The following SMAP2 variants were observed in gnomAD, a reference collection of about 807,000 sequenced individuals.
SMAP2 encodes small ArfGAP2.
In SMAP2, 25 loss-of-function variants were observed where a neutral mutation model predicts 56.4. The ratio of observed to expected loss-of-function variants is 0.44; its 90% CI spans 0.32 to 0.62. SMAP2 has a LOEUF of 0.62. Among genes scored for constraint, SMAP2 ranks in the 20% least tolerant of loss-of-function variants. The probability of loss-of-function intolerance (pLI) is 0.04; values close to 1 mark genes in which losing one functional copy is unlikely to be tolerated. For missense variants in SMAP2, 388 were observed against 545.6 expected (o/e 0.71, Z 2.88); for synonymous variants, 157 against 181.7 (o/e 0.86, Z 1.09).
At chr1:40,398,948 TAAAC>T (rs1644800654) in intron 1 of SMAP2, among the ~76,000 whole-genome samples, 2 of 152,194 alleles carry the variant, frequency 1.3e-5, no homozygotes, top group Non-Finnish European at 2.9e-5. Flanking sequence ...AAAGACATCT[TAAAC>T]AATCAAATAA....
At chr1:40,392,757 A>G (rs1644728992) in intron 1 of SMAP2, among the ~76,000 whole-genome samples, 1 of 152,164 alleles carries the variant, frequency 6.6e-6, no homozygotes, top group South Asian at 2.1e-4. Flanking sequence ...TAAGCAATCT[A>G]AAACTTAAAT....
chr1:40,352,300 C>G (rs1213950852), intron 1 of SMAP2, among the ~76,000 whole-genome samples: 1 of 152,088 alleles, frequency 6.6e-6, no homozygotes, highest in Non-Finnish European at 1.5e-5. Context: ...TGATCTGGCC[C>G]TCACCCTCTG....
Position 40,374,806 on chromosome 1 carries a change from G to A in SMAP2, c.103+583G>A. ...AGTGCTTAGGTGACTTTATTCTTCTGGATGTGTGCAGTGGGAAACTGCCTT... is the reference window on the plus strand; with the variant it reads ...AGTGCTTAGGTGACTTTATTCTTCTAGATGTGTGCAGTGGGAAACTGCCTT... On this transcript the variant is annotated intron_variant, in intron 1 of 9. Transcript: ENST00000372718. This position sits in a 1 kb window ranked among gnomAD's most constrained non-coding sequence, Gnocchi z 5.9. 6.5e-7 allele frequency: 1 copy of A among 1,549,806 alleles called. No homozygotes were observed. Among genetic ancestry groups the A allele is most frequent in the East Asian group, 2.4e-5 (1 of 40,920 alleles).
At position 40,374,374 on chromosome 1, in the gene SMAP2, T is replaced by A; in HGVS notation, c.103+151T>A. 1.4e-6 allele frequency: 1 copy of A among 731,812 alleles called. No individual in the cohort carries two copies. 45.3% of individuals were successfully genotyped at this position (731,812 alleles called of 1,614,324 possible). On this transcript the variant is annotated intron_variant, in intron 1 of 9. Coordinates refer to ENST00000372718, the MANE Select transcript of SMAP2 (RefSeq NM_022733.3). This position sits in a 1 kb window ranked among gnomAD's most constrained non-coding sequence, Gnocchi z 5.9. ...CGCTTGCAGTGAGCCTACTGGGCTT[T>A]CTGCAGCTGGGGGATTGGTATGGGT...
Position 40,416,176 on chromosome 1 carries a change from G to C in SMAP2, c.682G>C (p.Val228Leu). 1 of 1,613,418 alleles carries C rather than the reference G, an allele frequency of 6.2e-7. No individual in the cohort carries two copies. The highest frequency in any genetic ancestry group is 1.1e-5 in the South Asian group (1 of 91,020). ...CTCCCCCCGCCCTCTTTGCCCTAAG[G>C]TTGTAGGTTCCATGCCAACTGCAGG... ...PSPSSSGSRKVVGSMPTAGSA... is the reference protein window; with the variant it reads ...PSPSSSGSRKLVGSMPTAGSA... Residue 228 changes from valine (V) to leucine (L), a missense_variant and splice_region_variant, in exon 8 of 10, where the codon GTT becomes CTT. Physicochemically the swap from Val to Leu is conservative, Grantham distance 32. Coordinates refer to ENST00000372718, the MANE Select transcript of SMAP2 (RefSeq NM_022733.3).
rs188135689 is a variant in SMAP2, at chr1:40,392,926, C to T, written c.104-13810C>T. Among the ~76,000 whole-genome samples, 364 of 151,974 alleles carry T rather than the reference C, an allele frequency of 2.4e-3. 2 individuals are homozygous for T. The highest frequency in any genetic ancestry group is 3.9e-3 in the Non-Finnish European group (264 of 67,972). ...CATCCTGACTAACATGGTGAAACCC[C>T]GCTGTCTCTACTAAAGACACAAAAA... On this transcript the variant is annotated intron_variant, in intron 1 of 9. Coordinates refer to ENST00000372718, the MANE Select transcript of SMAP2 (RefSeq NM_022733.3).
intron 1 of SMAP2, among the ~76,000 whole-genome samples, chr1:40,401,535 A>G (rs990348407): frequency 6.6e-6 from 1 of 152,160 alleles, no homozygotes; most frequent in Admixed American, 6.5e-5. Context: ...TTAGAACTCA[A>G]TGATATAATT....
intron 1 of SMAP2, among the ~76,000 whole-genome samples, chr1:40,394,470 A>C (rs890088726): frequency 6.6e-6 from 1 of 152,178 alleles, no homozygotes; most frequent in South Asian, 2.1e-4. Flanking sequence ...ACTGGCCTCT[A>C]ACGGAAGCAA....
At chr1:40,404,386 ATTTCTG>A (rs1224814452) in intron 1 of SMAP2, among the ~76,000 whole-genome samples, 3 of 152,166 alleles carry the variant, frequency 2.0e-5, no homozygotes, top group Non-Finnish European at 4.4e-5. Context: ...AGTTGCCTGT[ATTTCTG>A]TACTGAGGCC....
At chr1:40,364,567 AC>A (rs1382638053) in intron 2 of SMAP2, among the ~76,000 whole-genome samples, 1 of 152,116 alleles carries the variant, frequency 6.6e-6, no homozygotes, top group African/African-American at 2.4e-5. Flanking sequence ...ACATGGTGAA[AC>A]CCTGTCTCTA....
At chr1:40,383,544 G>C (rs942507111) in intron 1 of SMAP2, among the ~76,000 whole-genome samples, 2 of 152,146 alleles carry the variant, frequency 1.3e-5, no homozygotes, top group African/African-American at 4.8e-5. Context: ...AGGGTTTTCC[G>C]GCAGATATAA....
At chr1:40,412,438 C>G (rs1284415906) in intron 4 of SMAP2, among the ~76,000 whole-genome samples, 1 of 152,146 alleles carries the variant, frequency 6.6e-6, no homozygotes, top group Non-Finnish European at 1.5e-5. Flanking sequence ...CATATGTATG[C>G]TATACTCTGT....
intron 1 of SMAP2, among the ~76,000 whole-genome samples, chr1:40,352,724 C>T (rs1035554070): frequency 1.3e-5 from 2 of 151,832 alleles, no homozygotes; most frequent in Admixed American, 6.6e-5. Context: ...GACAATGCCT[C>T]GCTATGTTGC....
Position 40,374,617 on chromosome 1 carries a change from G to A in SMAP2, c.103+394G>A, listed in dbSNP as rs1644524358. 13 of 1,409,802 alleles carry A rather than the reference G, an allele frequency of 9.2e-6. No homozygotes were observed. The highest frequency in any genetic ancestry group is 1.3e-5 in the Non-Finnish European group (13 of 1,026,630). 87.3% of individuals were successfully genotyped at this position (1,409,802 alleles called of 1,614,324 possible). A position where few individuals can be genotyped will look rare whatever the true frequency, so the allele number is the denominator to read the frequency against. On this transcript the variant is annotated intron_variant, in intron 1 of 9. Coordinates refer to ENST00000372718, the MANE Select transcript of SMAP2 (RefSeq NM_022733.3). This position sits in a 1 kb window ranked among gnomAD's most constrained non-coding sequence, Gnocchi z 5.9. ...CGTGCGTGTGTGTGTGTGTGTGTGTGTGTGTGTGAGAGAGAGAGAGAGAGA... is the reference window on the plus strand; with the variant it reads ...CGTGCGTGTGTGTGTGTGTGTGTGTATGTGTGTGAGAGAGAGAGAGAGAGA...
chr1:40,391,507 G>A (rs1327143264), intron 1 of SMAP2, among the ~76,000 whole-genome samples: 2 of 152,108 alleles, frequency 1.3e-5, no homozygotes, highest in Non-Finnish European at 2.9e-5. Flanking sequence ...CACTCACAAA[G>A]GCTATCAGAT....
At chr1:40,384,188 CACCAAG>C (rs1644630860) in intron 1 of SMAP2, among the ~76,000 whole-genome samples, 1 of 152,192 alleles carries the variant, frequency 6.6e-6, no homozygotes, top group Non-Finnish European at 1.5e-5. Flanking sequence ...AGATGTGAGC[CACCAAG>C]GCCGGGCCTC....
upstream of SMAP2, among the ~76,000 whole-genome samples, chr1:40,372,916 A>G (rs776225047): frequency 5.3e-5 from 8 of 152,256 alleles, no homozygotes; most frequent in African/African-American, 9.6e-5. Flanking sequence ...AACACAAGCC[A>G]GATGGCAGGT....
chr1:40,398,574 A>G (rs1644796773), intron 1 of SMAP2, among the ~76,000 whole-genome samples: 1 of 152,230 alleles, frequency 6.6e-6, no homozygotes, highest in Non-Finnish European at 1.5e-5. Context: ...TAATTTTCAT[A>G]AAGATGTAAT....
chr1:40,407,733 A>G (rs1014109176), intron 2 of SMAP2, among the ~76,000 whole-genome samples: 11 of 152,192 alleles, frequency 7.2e-5, no homozygotes, highest in African/African-American at 2.4e-4. Flanking sequence ...AAATTTAAAC[A>G]TAATTAACCT....
Sources: allele counts gnomAD v4.1 joint callset (sites outside exome capture counted in the v4.1 genomes callset), GRCh38; gene constraint gnomAD v4.1.1; non-coding constraint Gnocchi (gnomAD v3.1); transcripts MANE v1.5; gene names NCBI Gene and HGNC (gene_info 2026-07-23, HGNC 2026-07-21).